Variants in BMPR2 observed in about 807,000 individuals in gnomAD.
BMPR2 encodes bone morphogenetic protein receptor type-2.
A neutral mutation model predicts 100.8 loss-of-function variants in BMPR2; 29 were observed. The ratio of observed to expected loss-of-function variants is 0.29; its 90% CI spans 0.21 to 0.39. The LOEUF (loss-of-function observed/expected upper bound fraction) is 0.39. Ranked by LOEUF, BMPR2 falls within the 10% of genes least tolerant of loss-of-function variation. BMPR2 has a pLI of 1.00. For synonymous variants in BMPR2, 382 were observed against 442.3 expected (o/e 0.86, Z 1.71); for missense variants, 1,011 against 1,274.5 (o/e 0.79, Z 3.15).
rs138755168 is a variant in BMPR2 at position 202,489,181 on chromosome 2, T to G, written c.418+21492T>G. Among the ~76,000 whole-genome samples, 559 of 152,214 alleles carry G rather than the reference T, an allele frequency of 3.7e-3. 3 individuals are homozygous for G. Among genetic ancestry groups the G allele is most frequent in the African/African-American group, 0.011 (464 of 41,540 alleles). The stretch of plus-strand genomic sequence containing the variant: ...TACACCCAGCTAATTTTTTGTATTT[T>G]AAGTAGAGATGGGGTTTCACCATAT... On this transcript the variant is annotated intron_variant, in intron 3 of 12. Coordinates refer to ENST00000374580, the MANE Select transcript of BMPR2 (RefSeq NM_001204.7).
intron 7 of BMPR2, among the ~76,000 whole-genome samples, chr2:202,527,008 C>T (rs897619008): frequency 2.6e-5 from 4 of 151,986 alleles, no homozygotes; most frequent in Non-Finnish European, 5.9e-5. Flanking sequence ...GGATTACAGA[C>T]GTCCACCACC....
chr2:202,515,582 A>G (rs548641804), intron 5 of BMPR2, among the ~76,000 whole-genome samples: 26 of 151,460 alleles, frequency 1.7e-4, no homozygotes, highest in Non-Finnish European at 2.7e-4. Context: ...AAAAAAAAAA[A>G]AAAGAAAGAA....
intron 1 of BMPR2, among the ~76,000 whole-genome samples, chr2:202,452,962 A>G (rs1281769837): frequency 6.6e-6 from 1 of 152,094 alleles, no homozygotes; most frequent in East Asian, 1.9e-4. Context: ...TAAATGAGGC[A>G]CTCCAGGTAA....
intron 10 of BMPR2, among the ~76,000 whole-genome samples, chr2:202,547,209 C>T (rs1189734989): frequency 1.3e-5 from 2 of 151,976 alleles, no homozygotes; most frequent in Non-Finnish European, 2.9e-5. Context: ...ACTGTACTAC[C>T]ATTCTTCATG....
At chr2:202,490,389 G>GCA (rs1216965192) in intron 3 of BMPR2, among the ~76,000 whole-genome samples, 3 of 152,018 alleles carry the variant, frequency 2.0e-5, no homozygotes, top group East Asian at 3.9e-4. Context: ...ATACACAAAT[G>GCA]CACACACACA....
intron 3 of BMPR2, among the ~76,000 whole-genome samples, chr2:202,508,227 G>C (rs1244268999): frequency 6.6e-6 from 1 of 151,500 alleles, no homozygotes; most frequent in Admixed American, 6.6e-5. Context: ...TGAATAGCTG[G>C]GATTACAGGC....
In BMPR2 at chr2:202,387,930, T is replaced by C. The variant is rs1167046686; in HGVS notation, c.76+10380T>C. On this transcript the variant is annotated intron_variant, in intron 1 of 12. Transcript: ENST00000374580. ...ATATGAAGAGATGAATTTATTCATG[T>C]TACTTATTCAAACAGAGTTTTATGT... Among the ~76,000 whole-genome samples the C allele has an allele frequency of 2.6e-5, 4 of 152,352 alleles. No homozygotes were observed. In the East Asian group the frequency reaches 7.7e-4, roughly 29 times the overall value.
chr2:202,509,823 T>G (rs1020963688), intron 3 of BMPR2, among the ~76,000 whole-genome samples: 1 of 152,092 alleles, frequency 6.6e-6, no homozygotes, highest in Admixed American at 6.6e-5. Flanking sequence ...CATTCCTAGT[T>G]GAATTCAAAA....
rs1687664130 is a variant in BMPR2, at chr2:202,513,750, A to G, written c.450A>G (p.Thr150=). 2 of 1,613,460 alleles carry G rather than the reference A, an allele frequency of 1.2e-6. No homozygotes were observed. Among genetic ancestry groups the G allele is most frequent in the Non-Finnish European group, 1.7e-6 (2 of 1,179,662 alleles). ...SPPHSFNRDE[T]IIIALASVSV... Reference sequence around the variant, plus strand: ...CTCATTCATTTAACCGAGATGAGACAATAATCATTGCTTTGGCATCAGTCT... The same window carrying G: ...CTCATTCATTTAACCGAGATGAGACGATAATCATTGCTTTGGCATCAGTCT... The change falls in exon 4 of 13, where the codon ACA becomes ACG. Residue 150 remains threonine (T), a synonymous_variant. Transcript: ENST00000374580.
At chr2:202,389,794 A>G (rs1344387028) in intron 1 of BMPR2, among the ~76,000 whole-genome samples, 1 of 151,730 alleles carries the variant, frequency 6.6e-6, no homozygotes, top group African/African-American at 2.4e-5. Flanking sequence ...GTCATGTGCC[A>G]CCACGTCCGG....
chr2:202,508,057 C>G (rs1420125906), intron 3 of BMPR2, among the ~76,000 whole-genome samples: 1 of 143,384 alleles, frequency 7.0e-6, no homozygotes, highest in South Asian at 2.2e-4. Flanking sequence ...ATCTAAAAAG[C>G]TGTCATTTGA....
At chr2:202,492,196 A>G (rs953446773) in intron 3 of BMPR2, among the ~76,000 whole-genome samples, 1 of 152,160 alleles carries the variant, frequency 6.6e-6, no homozygotes, top group Non-Finnish European at 1.5e-5. Flanking sequence ...GAAGGATGTT[A>G]GGAACAGGTA....
At position 202,517,397 on chromosome 2, in the gene BMPR2, C is replaced by T. The variant is rs536482456; in HGVS notation, c.622-1425C>T. Among the ~76,000 whole-genome samples the T allele has an allele frequency of 2.3e-3, 338 of 150,202 alleles. 1 individual carries two copies. Among genetic ancestry groups the T allele is most frequent in the African/African-American group, 7.7e-3 (314 of 40,876 alleles). ...AGTGCAAGGCATGGTCTGGGGTCACCGCAACCTCTGCCTCCCGGTTTCAAG... is the reference window on the plus strand; with the variant it reads ...AGTGCAAGGCATGGTCTGGGGTCACTGCAACCTCTGCCTCCCGGTTTCAAG... On this transcript the variant is annotated intron_variant, in intron 5 of 12. Coordinates refer to ENST00000374580, the MANE Select transcript of BMPR2 (RefSeq NM_001204.7).
rs1688654309 is a variant in BMPR2, at chr2:202,560,112, C to T, written c.*166C>T. On this transcript the variant is annotated 3_prime_UTR_variant, in exon 13 of 13. Coordinates refer to ENST00000374580, the MANE Select transcript of BMPR2 (RefSeq NM_001204.7). ...ATTTCAGCTATGCAGAAAAATTTAG[C>T]TTATGCTTCCATATTTTTAAATTTT... 5.9e-6 allele frequency: 5 copies of T among 848,890 alleles called. No homozygotes were observed. The highest frequency in any genetic ancestry group is 3.6e-5 in the South Asian group (2 of 54,950). 52.6% of individuals were successfully genotyped at this position (848,890 alleles called of 1,614,324 possible). A position where few individuals can be genotyped will look rare whatever the true frequency, so the allele number is the denominator to read the frequency against.
At chr2:202,512,191 C>T (rs995272087) in intron 3 of BMPR2, among the ~76,000 whole-genome samples, 3 of 151,960 alleles carry the variant, frequency 2.0e-5, no homozygotes, top group African/African-American at 7.3e-5. Context: ...ACAGGAATGC[C>T]CATTAGAGGA....
Position 202,415,403 on chromosome 2 carries a change from G to A in BMPR2, c.76+37853G>A, listed in dbSNP as rs1362483094. Among the ~76,000 whole-genome samples the A allele has an allele frequency of 3.3e-5, 5 of 152,156 alleles. No individual in the cohort carries two copies. In the East Asian group the frequency reaches 7.7e-4, roughly 24 times the overall value. On this transcript the variant is annotated intron_variant, in intron 1 of 12. Coordinates refer to ENST00000374580, the MANE Select transcript of BMPR2 (RefSeq NM_001204.7). ...GGAGAATTGCTTGAGCCTGGGAGGCGGAGGTTGCGGTGAGCCAAGTTTGCG... is the reference window on the plus strand; with the variant it reads ...GGAGAATTGCTTGAGCCTGGGAGGCAGAGGTTGCGGTGAGCCAAGTTTGCG...
intron 1 of BMPR2, among the ~76,000 whole-genome samples, chr2:202,405,541 A>G (rs1371149819): frequency 6.6e-6 from 1 of 152,028 alleles, no homozygotes; most frequent in African/African-American, 2.4e-5. Flanking sequence ...ACAAAAAATT[A>G]GATGGGTGTG....
intron 1 of BMPR2, among the ~76,000 whole-genome samples, chr2:202,378,923 ATTC>A (rs1248469985): frequency 6.6e-6 from 1 of 152,174 alleles, no homozygotes; most frequent in East Asian, 1.9e-4. Context: ...GTTATTTGTT[ATTC>A]TTAACCTTTT....
intron 2 of BMPR2, among the ~76,000 whole-genome samples, chr2:202,465,989 A>G (rs1399203208): frequency 6.6e-6 from 1 of 152,234 alleles, no homozygotes; most frequent in Admixed American, 6.5e-5. Context: ...ATCATTGTAT[A>G]TATGTATCAT....
Sources: allele counts gnomAD v4.1 joint callset (sites outside exome capture counted in the v4.1 genomes callset), GRCh38; gene constraint gnomAD v4.1.1; transcripts MANE v1.5; gene names NCBI Gene and HGNC (gene_info 2026-07-23, HGNC 2026-07-21).